UBE2R2: variants seen among roughly 807,000 people sequenced by gnomAD.
UBE2R2 encodes ubiquitin-conjugating enzyme E2 R2.
Under a neutral mutation model 27.8 loss-of-function variants are expected in UBE2R2, and 1 was observed. That is an observed-to-expected ratio of 0.04 (90% CI 0.01 to 0.17). The LOEUF is 0.17. Among genes scored for constraint, UBE2R2 ranks in the 10% least tolerant of loss-of-function variants. The probability of loss-of-function intolerance (pLI) is 1.00; values close to 1 mark genes in which losing one functional copy is unlikely to be tolerated. For missense variants in UBE2R2, 100 were observed against 291.0 expected, an observed-to-expected ratio of 0.34 and a Z score of 4.78; for synonymous variants, 106 against 113.3, an observed-to-expected ratio of 0.94 and a Z score of 0.41.
intron 3 of UBE2R2, among the ~76,000 whole-genome samples, chr9:33,907,215 A>G (rs571662046): frequency 7.2e-5 from 11 of 152,348 alleles, no homozygotes; most frequent in Admixed American, 5.9e-4. Context: ...AGATAACTGA[A>G]GCAGGCAAAA....
intron 4 of UBE2R2, 76 bp from the exon 5 acceptor site, chr9:33,916,942 A>G: frequency 6.4e-7 from 1 of 1,557,992 alleles, no homozygotes. Flanking sequence ...AGTAATATTG[A>G]TTATTTAAGG....
At chr9:33,845,473 C>G (rs1820824337) in intron 1 of UBE2R2, among the ~76,000 whole-genome samples, 1 of 151,868 alleles carries the variant, frequency 6.6e-6, no homozygotes, top group Admixed American at 6.6e-5. Flanking sequence ...TGATCTTGAT[C>G]TCCTGACCTC....
At chr9:33,907,203 A>G (rs1822375263) in intron 3 of UBE2R2, among the ~76,000 whole-genome samples, 1 of 152,196 alleles carries the variant, frequency 6.6e-6, no homozygotes, top group Admixed American at 6.5e-5. Flanking sequence ...ACCTCTGACC[A>G]AAGATAACTG....
chr9:33,897,386 C>G (rs568970693), intron 2 of UBE2R2, among the ~76,000 whole-genome samples: 1 of 147,678 alleles, frequency 6.8e-6, no homozygotes, highest in Non-Finnish European at 1.5e-5. Context: ...GGTGTGATCT[C>G]GGCTCACCGC....
At chr9:33,824,909 T>G (rs1018785311) in intron 1 of UBE2R2, among the ~76,000 whole-genome samples, 2 of 152,180 alleles carry the variant, frequency 1.3e-5, no homozygotes, top group African/African-American at 2.4e-5. Context: ...TTGAAATCTT[T>G]TGGTAAATTT....
At position 33,817,399 on chromosome 9, in the gene UBE2R2, C is replaced by CCCTCCGCCGCCTT. The variant is rs1215184970; in HGVS notation, c.-351_-339dup. ...GGCCCCCTCCCTTCACCATCGCCGG[C>CCCTCCGCCGCCTT]CCTCCGCCGCCTTCCTCCGCTTCCA... On this transcript the variant is annotated 5_prime_UTR_variant, in exon 1 of 5. Transcript: ENST00000263228. 6.7e-6 allele frequency among the ~76,000 whole-genome samples: 1 copy of CCCTCCGCCGCCTT among 149,608 alleles called. No homozygotes were observed. Among genetic ancestry groups the CCCTCCGCCGCCTT allele is most frequent in the Non-Finnish European group, 1.5e-5 (1 of 66,946 alleles).
rs61406874 is a variant in UBE2R2 at position 33,845,374 on chromosome 9, G to A, written c.177+27440G>A. On this transcript the variant is annotated intron_variant, in intron 1 of 4. Coordinates refer to ENST00000263228, the MANE Select transcript of UBE2R2 (RefSeq NM_017811.4). Reference sequence around the variant, plus strand: ...CCATTCTCCTGCCTCAGCCTCCCGAGTAGCTGTGACTACAGGCGCCCGCCA... The same window carrying A: ...CCATTCTCCTGCCTCAGCCTCCCGAATAGCTGTGACTACAGGCGCCCGCCA... 3.5e-3 allele frequency among the ~76,000 whole-genome samples: 525 copies of A among 151,626 alleles called. 6 individuals carry two copies. The highest frequency in any genetic ancestry group is 0.012 in the African/African-American group (494 of 41,340).
intron 1 of UBE2R2, among the ~76,000 whole-genome samples, chr9:33,864,107 A>G (rs34823751): frequency 0.068 from 10,344 of 152,216 alleles, 495 homozygotes; most frequent in Non-Finnish European, 0.099. Context: ...GATTACAGGT[A>G]GGAGCCACCA....
chr9:33,825,828 C>T (rs143644945), intron 1 of UBE2R2, among the ~76,000 whole-genome samples: 13 of 152,236 alleles, frequency 8.5e-5, no homozygotes, highest in African/African-American at 2.2e-4. Flanking sequence ...GCTTCACATA[C>T]GACTACAGAG....
intron 1 of UBE2R2, among the ~76,000 whole-genome samples, chr9:33,857,163 T>C (rs1383500928): frequency 6.6e-6 from 1 of 151,868 alleles, no homozygotes. Context: ...CCCAAAGTGC[T>C]GGGATTGCAG....
intron 1 of UBE2R2, among the ~76,000 whole-genome samples, chr9:33,877,380 CTCCT>C (rs1376737340): frequency 2.0e-5 from 3 of 151,844 alleles, no homozygotes; most frequent in African/African-American, 7.3e-5. Flanking sequence ...GATGGGGTTA[CTCCT>C]TGTTAGCCAG....
chr9:33,903,060 C>G lies in UBE2R2; in HGVS notation c.362+2789C>G, dbSNP rs1004498193. 2.6e-5 allele frequency among the ~76,000 whole-genome samples: 4 copies of G among 151,886 alleles called. No individual in the cohort carries two copies. In the South Asian group the frequency reaches 8.3e-4, roughly 32 times the overall value. On this transcript the variant is annotated intron_variant, in intron 3 of 4. Transcript: ENST00000263228. ...GTTGCGGTGAGCCAGGATCGTGCCA[C>G]TGCACTCCAGCCTGGGCAACAAGAG... is the stretch of plus-strand genomic sequence containing the variant.
intron 1 of UBE2R2, among the ~76,000 whole-genome samples, chr9:33,877,191 T>C (rs1821623875): frequency 6.7e-6 from 1 of 150,286 alleles, no homozygotes. Flanking sequence ...TTTTTTTTTT[T>C]TTTTTTTTGA....
chr9:33,862,584 C>T (rs1273241059), intron 1 of UBE2R2, among the ~76,000 whole-genome samples: 1 of 152,062 alleles, frequency 6.6e-6, no homozygotes. Context: ...AAGTTGCTGA[C>T]ACACTTTGCT....
At chr9:33,893,309 C>G (rs1587473720) in intron 2 of UBE2R2, among the ~76,000 whole-genome samples, 1 of 152,240 alleles carries the variant, frequency 6.6e-6, no homozygotes, top group African/African-American at 2.4e-5. Context: ...TAAATAGCGT[C>G]ATATAGTATG....
chr9:33,850,035 C>G (rs1820930170), intron 1 of UBE2R2, among the ~76,000 whole-genome samples: 1 of 152,172 alleles, frequency 6.6e-6, no homozygotes, highest in African/African-American at 2.4e-5. Context: ...GCCTCCAAAG[C>G]AGGTGACACT....
At chr9:33,875,731 T>C (rs1319278926) in intron 1 of UBE2R2, among the ~76,000 whole-genome samples, 1 of 152,214 alleles carries the variant, frequency 6.6e-6, no homozygotes, top group Non-Finnish European at 1.5e-5. Flanking sequence ...GTCAGAGGCC[T>C]AGCAAAGACA....
chr9:33,911,842 G>T (rs1322519400), intron 3 of UBE2R2, 122 bp from the exon 4 acceptor site: 1 of 903,184 alleles, frequency 1.1e-6, no homozygotes, highest in Non-Finnish European at 1.5e-6. Flanking sequence ...AAATTTAATT[G>T]TATCAGAAAA....
chr9:33,820,233 C>A (rs193221337), intron 1 of UBE2R2, among the ~76,000 whole-genome samples: 97 of 152,242 alleles, frequency 6.4e-4, no homozygotes, highest in African/African-American at 2.3e-3. Context: ...TGGAAGGATT[C>A]CTTGTGTTAA....
Sources: gnomAD v4.1 joint callset for allele counts (sites outside exome capture counted in the v4.1 genomes callset) on GRCh38, gnomAD v4.1.1 for gene constraint, MANE v1.5 for transcripts, NCBI Gene and HGNC (gene_info 2026-07-23, HGNC 2026-07-21) for gene names.